Variants in YAF2 observed in about 807,000 individuals in gnomAD.
The protein encoded by YAF2 is YY1 associated factor 2.
In YAF2, 7 loss-of-function variants were observed where a neutral mutation model predicts 20.1. The ratio of observed to expected loss-of-function variants is 0.35; its 90% CI spans 0.20 to 0.65. The LOEUF (loss-of-function observed/expected upper bound fraction) is 0.65. Among genes scored for constraint, YAF2 ranks in the 30% least tolerant of loss-of-function variants. The pLI, the probability that YAF2 is intolerant of heterozygous loss-of-function variation, is 0.69. For missense variants in YAF2, 151 were observed against 219.2 expected, an observed-to-expected ratio of 0.69 and a Z score of 1.96; for synonymous variants, 74 against 76.0, an observed-to-expected ratio of 0.97 and a Z score of 0.14.
At chr12:42,224,066 G>T (rs117186296) in intron 2 of YAF2, among the ~76,000 whole-genome samples, 1 of 151,978 alleles carries the variant, frequency 6.6e-6, no homozygotes, top group Admixed American at 6.6e-5. Context: ...AATAATAATG[G>T]CCACAACAAT....
intron 2 of YAF2, chr12:42,233,538 G>A: frequency 1.1e-6 from 1 of 933,648 alleles, no homozygotes; most frequent in Non-Finnish European, 1.3e-6. Flanking sequence ...TTGAGACAAG[G>A]TCTCACTCTG....
intron 2 of YAF2, among the ~76,000 whole-genome samples, chr12:42,179,839 G>T (rs1336615250): frequency 7.0e-6 from 1 of 143,728 alleles, no homozygotes; most frequent in African/African-American, 2.5e-5. Context: ...GATGTTATTT[G>T]ATTTAGAGTT....
intron 2 of YAF2, among the ~76,000 whole-genome samples, chr12:42,190,953 T>C (rs1251517695): frequency 6.6e-6 from 1 of 152,072 alleles, no homozygotes. Context: ...TACTTAACAA[T>C]GTTTAAAAAT....
In YAF2 at chr12:42,158,303, T is replaced by G. The variant is rs2065739503; in HGVS notation, c.*2286A>C. The G allele has an allele frequency of 6.6e-6, 1 of 152,220 alleles. No homozygotes were observed. The highest frequency in any genetic ancestry group is 1.5e-5 in the Non-Finnish European group (1 of 68,034). 9.4% of individuals were successfully genotyped at this position (152,220 alleles called of 1,614,324 possible). On this transcript the variant is annotated 3_prime_UTR_variant, in exon 4 of 4. Transcript: ENST00000534854. ...TCTTTCTGCATCCAGAGAAAACATC[T>G]GATATTACACTGAAAATTTAGTGAA...
chr12:42,235,552 AGAG>A, intron 2 of YAF2: 1 of 1,369,112 alleles, frequency 7.3e-7, no homozygotes, highest in Non-Finnish European at 9.4e-7. Context: ...CAAAATCAAA[AGAG>A]AAGAGAATTC....
chr12:42,191,351 T>G (rs1303893903), intron 2 of YAF2, among the ~76,000 whole-genome samples: 1 of 152,188 alleles, frequency 6.6e-6, no homozygotes, highest in Non-Finnish European at 1.5e-5. Context: ...ATTCAACTTT[T>G]TCTAATAATA....
At chr12:42,225,571 G>T (rs1156989056) in intron 2 of YAF2, among the ~76,000 whole-genome samples, 1 of 152,144 alleles carries the variant, frequency 6.6e-6, no homozygotes, top group Non-Finnish European at 1.5e-5. Context: ...GTAAGGAAGG[G>T]ATCCAGTTTC....
intron 2 of YAF2, among the ~76,000 whole-genome samples, chr12:42,227,303 G>T (rs2067749059): frequency 1.5e-5 from 1 of 65,114 alleles, no homozygotes; most frequent in Admixed American, 1.4e-4. Flanking sequence ...GCCGCCCATC[G>T]TCTGCGACGT....
At chr12:42,207,896 G>A (rs1385788644) in intron 2 of YAF2, among the ~76,000 whole-genome samples, 2 of 151,408 alleles carry the variant, frequency 1.3e-5, no homozygotes, top group African/African-American at 4.9e-5. Context: ...GTCTCAAAAA[G>A]ACAAACAAAA....
rs867603287 is a variant in YAF2, at chr12:42,227,099, G to A, written c.152+10500C>T. On this transcript the variant is annotated intron_variant, in intron 2 of 3. Coordinates refer to ENST00000534854, the MANE Select transcript of YAF2 (RefSeq NM_005748.6). ...GACCGCCGGGAGGATGGAGTTCAGCGGGCAGCGGAGCTGTCTCAGTCTTTG... is the reference window on the plus strand; with the variant it reads ...GACCGCCGGGAGGATGGAGTTCAGCAGGCAGCGGAGCTGTCTCAGTCTTTG... 3.0e-3 allele frequency among the ~76,000 whole-genome samples: 436 copies of A among 144,408 alleles called. 2 individuals are homozygous for A. The highest frequency in any genetic ancestry group is 0.011 in the African/African-American group (404 of 38,256). 94.7% of individuals were successfully genotyped at this position (144,408 alleles called of 152,430 possible).
Position 42,184,662 on chromosome 12 carries a change from AGT to A in YAF2, c.153-22899_153-22898del, listed in dbSNP as rs1440242424. 5.3e-5 allele frequency among the ~76,000 whole-genome samples: 8 copies of A among 152,294 alleles called. No individual in the cohort carries two copies. The East Asian group carries it at 1.5e-3, about 29-fold the overall frequency. ...TTTCATAAGGCTATAGCTGCCAGAT[AGT>A]GTGATTCCTTGGATGGATCTCGGCA... On this transcript the variant is annotated intron_variant, in intron 2 of 3. Transcript: ENST00000534854.
chr12:42,205,852 G>T, intron 2 of YAF2: 1 of 399,120 alleles, frequency 2.5e-6, no homozygotes, highest in Non-Finnish European at 5.1e-6. Context: ...CCATTTTTGT[G>T]CATCCCTCAA....
At chr12:42,199,329 CTT>C (rs1195508032) in intron 2 of YAF2, 1 of 620,694 alleles carries the variant, frequency 1.6e-6, no homozygotes, top group Non-Finnish European at 2.3e-6. Flanking sequence ...TAATAATATA[CTT>C]TGTTTCAGGA....
intron 2 of YAF2, chr12:42,210,319 A>G: frequency 1.4e-6 from 2 of 1,433,346 alleles, no homozygotes; most frequent in Non-Finnish European, 1.9e-6. Flanking sequence ...TTGGGGGGAA[A>G]AAAAATCTCA....
intron 2 of YAF2, among the ~76,000 whole-genome samples, chr12:42,186,492 G>A (rs1232334493): frequency 2.0e-5 from 3 of 151,958 alleles, no homozygotes; most frequent in Admixed American, 1.3e-4. Context: ...CGTGACCAAC[G>A]TGGTGAAACC....
At chr12:42,201,205 G>A (rs1028430018) in intron 2 of YAF2, among the ~76,000 whole-genome samples, 1 of 151,930 alleles carries the variant, frequency 6.6e-6, no homozygotes, top group South Asian at 2.1e-4. Flanking sequence ...TTCCTCCTTG[G>A]GCAACTGTTC....
chr12:42,200,050 G>A (rs1296274807), intron 2 of YAF2, among the ~76,000 whole-genome samples: 1 of 152,168 alleles, frequency 6.6e-6, no homozygotes, highest in Non-Finnish European at 1.5e-5. Flanking sequence ...CATCAGTTAT[G>A]CATTCAAACA....
rs374770597 is a variant in YAF2 at position 42,185,967 on chromosome 12, G to A, written c.153-24202C>T. Among the ~76,000 whole-genome samples the A allele has an allele frequency of 2.0e-4, 31 of 152,182 alleles. No individual in the cohort carries two copies. The East Asian group carries it at 2.3e-3, about 11-fold the overall frequency. On this transcript the variant is annotated intron_variant, in intron 2 of 3. Transcript: ENST00000534854. ...GTAATCCCAACACTCTGGGGAGTCC[G>A]AAGCAGGTGGGTAATCTGAGGTCAG... is the stretch of plus-strand genomic sequence containing the variant.
At chr12:42,232,881 T>C in intron 2 of YAF2, 8 of 985,280 alleles carry the variant, frequency 8.1e-6, no homozygotes, top group Non-Finnish European at 9.6e-6. Context: ...ATAAACAACA[T>C]ATATTTTTAA....
Sources: allele counts gnomAD v4.1 joint callset (sites outside exome capture counted in the v4.1 genomes callset), GRCh38; gene constraint gnomAD v4.1.1; transcripts MANE v1.5; gene names NCBI Gene and HGNC (gene_info 2026-07-23, HGNC 2026-07-21).